The following TMEM232 variants were observed in gnomAD, a reference collection of about 807,000 sequenced individuals.
TMEM232 encodes transmembrane protein 232.
Under a neutral mutation model 78.8 loss-of-function variants are expected in TMEM232, and 80 were observed. The ratio of observed to expected loss-of-function variants is 1.01; its 90% confidence interval spans 0.85 to 1.22. TMEM232 has a LOEUF of 1.22. TMEM232 is among the 50% of genes most tolerant of loss of function. The probability of loss-of-function intolerance (pLI) is 0.00; values close to 1 mark genes in which losing one functional copy is unlikely to be tolerated. For missense variants in TMEM232, 881 were observed against 742.2 expected (o/e 1.19, Z -2.17); for synonymous variants, 297 against 254.3 (o/e 1.17, Z -1.60).
intron 11 of TMEM232, among the ~76,000 whole-genome samples, chr5:110,556,671 C>T (rs1269142138): frequency 6.6e-6 from 1 of 152,112 alleles, no homozygotes; most frequent in African/African-American, 2.4e-5. Flanking sequence ...ACAAGCCCGA[C>T]AGAATCTTGT....
chr5:110,441,062 T>G (rs1758981782), intron 12 of TMEM232, among the ~76,000 whole-genome samples: 1 of 152,116 alleles, frequency 6.6e-6, no homozygotes, highest in Non-Finnish European at 1.5e-5. Context: ...CCTAACTGCT[T>G]TGACGCAGGT....
At chr5:110,656,289 A>G (rs1005218751) in intron 2 of TMEM232, among the ~76,000 whole-genome samples, 5 of 152,176 alleles carry the variant, frequency 3.3e-5, no homozygotes, top group African/African-American at 9.7e-5. Flanking sequence ...CATGCAGACT[A>G]TATCTGCCAA....
chr5:110,452,873 G>T (rs1315794358), intron 12 of TMEM232, among the ~76,000 whole-genome samples: 2 of 152,172 alleles, frequency 1.3e-5, no homozygotes, highest in Non-Finnish European at 2.9e-5. Context: ...GAAAGGTAGG[G>T]TTTAGTTCCT....
intron 12 of TMEM232, among the ~76,000 whole-genome samples, chr5:110,495,416 C>T (rs1019148764): frequency 1.3e-5 from 2 of 151,748 alleles, no homozygotes; most frequent in Admixed American, 6.6e-5. Context: ...TTCTAATGTG[C>T]AATAAAGTAT....
intron 1 of TMEM232, among the ~76,000 whole-genome samples, chr5:110,685,266 G>C (rs1793254193): frequency 6.6e-6 from 1 of 151,864 alleles, no homozygotes; most frequent in South Asian, 2.1e-4. Context: ...GCAAAGGAAA[G>C]CTAAAAATTA....
intron 1 of TMEM232, among the ~76,000 whole-genome samples, chr5:110,718,405 G>A (rs575440764): frequency 6.6e-6 from 1 of 152,082 alleles, no homozygotes; most frequent in Non-Finnish European, 1.5e-5. Flanking sequence ...CTGGATAGCT[G>A]TTAATCTTAT....
At chr5:110,657,985 G>A (rs1355187425) in intron 2 of TMEM232, among the ~76,000 whole-genome samples, 1 of 152,086 alleles carries the variant, frequency 6.6e-6, no homozygotes, top group Non-Finnish European at 1.5e-5. Context: ...AGTATCAGAA[G>A]TACCAGCAGA....
chr5:110,456,380 T>A (rs890445820), intron 12 of TMEM232, among the ~76,000 whole-genome samples: 1 of 151,874 alleles, frequency 6.6e-6, no homozygotes, highest in Non-Finnish European at 1.5e-5. Flanking sequence ...AGTAAAAAAA[T>A]TGATAAAAGA....
At chr5:110,397,947 A>G (rs1029069334) in intron 2 of TMEM232, 3 of 152,566 alleles carry the variant, frequency 2.0e-5, no homozygotes, top group African/African-American at 7.2e-5. Flanking sequence ...GGTGAATACA[A>G]TTCACCATAG....
chr5:110,390,069 G>A (rs115582598), intron 4 of TMEM232, among the ~76,000 whole-genome samples: 162 of 152,260 alleles, frequency 1.1e-3, no homozygotes, highest in African/African-American at 3.8e-3. Flanking sequence ...GGGTATACCA[G>A]GAAATAAAAT....
downstream of TMEM232, among the ~76,000 whole-genome samples, chr5:110,417,188 A>G (rs956439731): frequency 6.6e-6 from 1 of 152,228 alleles, no homozygotes; most frequent in African/African-American, 2.4e-5. Flanking sequence ...CAGCATGGAA[A>G]GAAGTTTTAG....
At chr5:110,419,329 A>G (rs1453487677), downstream of TMEM232, among the ~76,000 whole-genome samples, 2 of 152,164 alleles carry the variant, frequency 1.3e-5, no homozygotes, top group African/African-American at 4.8e-5. Flanking sequence ...AATTAGCTAT[A>G]CAGGAAATCA....
intron 11 of TMEM232, among the ~76,000 whole-genome samples, chr5:110,529,484 T>C (rs1349161901): frequency 6.6e-6 from 1 of 152,146 alleles, no homozygotes; most frequent in African/African-American, 2.4e-5. Context: ...TGACCTCAGG[T>C]GATCCACCTG....
intron 1 of TMEM232, among the ~76,000 whole-genome samples, chr5:110,712,545 C>T (rs1298908526): frequency 6.6e-6 from 1 of 152,106 alleles, no homozygotes; most frequent in African/African-American, 2.4e-5. Flanking sequence ...ACCTTTTACC[C>T]TATATACAGT....
chr5:110,645,258 CAA>C (rs1580481710), intron 2 of TMEM232, among the ~76,000 whole-genome samples: 1 of 151,512 alleles, frequency 6.6e-6, no homozygotes, highest in Admixed American at 6.6e-5. Context: ...TCAAACTGTA[CAA>C]AGACACTAGG....
At chr5:110,531,267 G>A (rs1379895655) in intron 11 of TMEM232, among the ~76,000 whole-genome samples, 1 of 152,104 alleles carries the variant, frequency 6.6e-6, no homozygotes, top group Non-Finnish European at 1.5e-5. Flanking sequence ...CTGCACCCAG[G>A]TGATTAAAAG....
intron 5 of TMEM232, among the ~76,000 whole-genome samples, chr5:110,637,973 T>C (rs1786108449): frequency 6.6e-6 from 1 of 152,084 alleles, no homozygotes. Flanking sequence ...TAATGAAATG[T>C]TATTTTCTTA....
upstream of TMEM232, among the ~76,000 whole-genome samples, chr5:110,729,395 C>T (rs954096273): frequency 7.9e-5 from 12 of 152,124 alleles, no homozygotes; most frequent in African/African-American, 2.2e-4. Context: ...TAACCACACA[C>T]CAGGTAAATG....
intron 1 of TMEM232, among the ~76,000 whole-genome samples, chr5:110,686,057 C>T (rs957091536): frequency 2.6e-5 from 4 of 151,922 alleles, no homozygotes; most frequent in Non-Finnish European, 5.9e-5. Context: ...TATCAAAACT[C>T]AATGAAACAG....
Sources: gnomAD v4.1 joint callset for allele counts (sites outside exome capture counted in the v4.1 genomes callset) on GRCh38, gnomAD v4.1.1 for gene constraint, MANE v1.5 for transcripts, NCBI Gene and HGNC (gene_info 2026-07-23, HGNC 2026-07-21) for gene names.